RAD50: variants seen among roughly 807,000 people sequenced by gnomAD.
RAD50 encodes DNA repair protein RAD50.
In RAD50, 132 loss-of-function variants were observed where a neutral mutation model predicts 168.8. The ratio of observed to expected loss-of-function variants is 0.78; its 90% confidence interval spans 0.68 to 0.90. The LOEUF (loss-of-function observed/expected upper bound fraction) is 0.90, where lower values mean the gene tolerates loss of function less well. RAD50 is among the 40% of genes least tolerant of loss of function. RAD50 has a pLI of 0.00. For missense variants in RAD50, 1,347 were observed against 1,534.4 expected (o/e 0.88, Z 2.04); for synonymous variants, 525 against 497.4 (o/e 1.06, Z -0.74).
chr5:132,588,595 C>A (rs2149840900), intron 7 of RAD50, 92 bp from the exon 8 acceptor site: 2 of 1,284,170 alleles, frequency 1.6e-6, no homozygotes, highest in Non-Finnish European at 2.2e-6. Context: ...AAGAGACACA[C>A]TGCATTATTT....
Position 132,603,582 on chromosome 5 carries a change from G to A in RAD50, c.2397+93G>A. On this transcript the variant is annotated intron_variant, in intron 14 of 24. Transcript: ENST00000378823. ...GTTAAAAATAGTAGCTAGTATTCAG[G>A]TACAGGTTGTGTTTAGAATTCCCCA... is the stretch of plus-strand genomic sequence containing the variant. The A allele has an allele frequency of 4.5e-6, 6 of 1,346,310 alleles. No homozygotes were observed. In the Middle Eastern group the frequency reaches 5.5e-4, roughly 124 times the overall value. The allele number at this position is 1,346,310 out of a possible 1,614,324, so 83.4% of individuals were successfully genotyped here.
chr5:132,558,220 T>C (rs554455700), intron 1 of RAD50, among the ~76,000 whole-genome samples: 4 of 152,174 alleles, frequency 2.6e-5, no homozygotes, highest in Admixed American at 6.5e-5. Flanking sequence ...TTTGTAAAAA[T>C]GTTATTTGTT....
chr5:132,574,439 C>T (rs1208510180), intron 2 of RAD50, among the ~76,000 whole-genome samples: 6 of 152,192 alleles, frequency 3.9e-5, no homozygotes, highest in Admixed American at 6.5e-5. Flanking sequence ...GGACCCTGGG[C>T]CTGGCCCACG....
chr5:132,571,777 T>C (rs919547542), intron 2 of RAD50, among the ~76,000 whole-genome samples: 1 of 152,192 alleles, frequency 6.6e-6, no homozygotes. Context: ...ATGGAAATGA[T>C]GTCCTGTCTG....
intron 21 of RAD50, among the ~76,000 whole-genome samples, chr5:132,629,207 A>G (rs1356974257): frequency 6.6e-6 from 1 of 152,220 alleles, no homozygotes; most frequent in African/African-American, 2.4e-5. Context: ...AAAGAATTCA[A>G]CAACCCTTGC....
At chr5:132,629,641 C>A (rs1751429274) in intron 21 of RAD50, among the ~76,000 whole-genome samples, 1 of 152,138 alleles carries the variant, frequency 6.6e-6, no homozygotes, top group Non-Finnish European at 1.5e-5. Flanking sequence ...ATACGGTGAG[C>A]CCTAAATTTG....
intron 21 of RAD50, among the ~76,000 whole-genome samples, 166 bp from the exon 22 acceptor site, chr5:132,636,949 G>C (rs888587814): frequency 5.9e-5 from 9 of 151,814 alleles, no homozygotes; most frequent in Admixed American, 3.3e-4. Flanking sequence ...TTTTGCTGCT[G>C]TTTATTTTTG....
intron 3 of RAD50, among the ~76,000 whole-genome samples, chr5:132,576,626 C>T (rs770809329): frequency 2.2e-4 from 33 of 152,216 alleles, no homozygotes; most frequent in Non-Finnish European, 4.6e-4. Flanking sequence ...TTTTAACACA[C>T]TCAAGTATCT....
rs1274079367 is a variant in RAD50, at chr5:132,557,082, C to G, written c.-243C>G. 6 of 668,730 alleles carry G rather than the reference C, an allele frequency of 9.0e-6. No individual in the cohort carries two copies. Among genetic ancestry groups the G allele is most frequent in the African/African-American group, 5.4e-5 (3 of 55,384 alleles). The allele number at this position is 668,730 out of a possible 1,614,324, so 41.4% of individuals were successfully genotyped here. ...CCGGCGGGCAGCCCCAGGCTGGTCC[C>G]CGCCTCCGCTCTCCCCACCGGCGGG... On this transcript the variant is annotated 5_prime_UTR_variant, in exon 1 of 25. Coordinates refer to ENST00000378823, the MANE Select transcript of RAD50 (RefSeq NM_005732.4).
intron 22 of RAD50, 100 bp downstream of exon 22, chr5:132,637,300 C>A: frequency 6.6e-7 from 1 of 1,504,608 alleles, no homozygotes; most frequent in South Asian, 1.2e-5. Context: ...CCCTGGACCC[C>A]TTTCTAAGCA....
In RAD50 at chr5:132,618,087, A is replaced by T. The variant is rs876659658; in HGVS notation, c.3182A>T (p.Glu1061Val). The change falls in exon 21 of 25, where the codon GAA becomes GTA. Residue 1061 changes from glutamate (E) to valine (V), a missense_variant. Glu to Val is a moderately radical substitution (Grantham distance 121). Coordinates refer to ENST00000378823, the MANE Select transcript of RAD50 (RefSeq NM_005732.4). ...TTTTACAGTGAACATCAGAAGTTGG[A>T]AGAGAACATAGACAATATAAAAAGA... ...LQMKSEHQKL[E>V]ENIDNIKRNH... 6.2e-7 allele frequency: 1 copy of T among 1,613,414 alleles called. No homozygotes were observed. The highest frequency in any genetic ancestry group is 8.5e-7 in the Non-Finnish European group (1 of 1,179,584).
chr5:132,609,244 AT>A, intron 18 of RAD50, 35 bp downstream of exon 18: 1 of 1,607,130 alleles, frequency 6.2e-7, no homozygotes, highest in Non-Finnish European at 8.5e-7. Flanking sequence ...ATTTGATTGT[AT>A]TTTTATTCAT....
intron 6 of RAD50, 54 bp from the exon 7 acceptor site, chr5:132,587,870 G>A (rs1750622360): frequency 6.3e-7 from 1 of 1,578,324 alleles, no homozygotes. Context: ...ACCTCAAAGT[G>A]ATCATATTTT....
intron 8 of RAD50, 124 bp downstream of exon 8, chr5:132,589,004 C>A: frequency 9.5e-7 from 1 of 1,049,326 alleles, no homozygotes; most frequent in Non-Finnish European, 1.4e-6. Context: ...ATAAAATCTG[C>A]TACAAGGCAG....
In RAD50 at chr5:132,575,175, T is replaced by C. The variant is rs115229352; in HGVS notation, c.214-602T>C. ...ACTGGACAATTTACAAAAGAAAGGG[T>C]TTAATGGACTACAGTTCCACCTGGC... On this transcript the variant is annotated intron_variant, in intron 2 of 24. Transcript: ENST00000378823. Among the ~76,000 whole-genome samples, 1,136 of 151,982 alleles carry C rather than the reference T, an allele frequency of 7.5e-3. 12 individuals carry two copies. Among genetic ancestry groups the C allele is most frequent in the African/African-American group, 0.026 (1,087 of 41,402 alleles).
chr5:132,601,632 C>T (rs1380664678), intron 13 of RAD50, among the ~76,000 whole-genome samples: 1 of 152,124 alleles, frequency 6.6e-6, no homozygotes, highest in Non-Finnish European at 1.5e-5. Context: ...CAAATACCTC[C>T]TATTTCTGTG....
At chr5:132,574,853 C>T (rs1750365890) in intron 2 of RAD50, among the ~76,000 whole-genome samples, 1 of 152,174 alleles carries the variant, frequency 6.6e-6, no homozygotes, top group Non-Finnish European at 1.5e-5. Flanking sequence ...CAAAAGTCAC[C>T]TTTGCCCCAG....
chr5:132,601,690 G>A (rs1010841290), intron 13 of RAD50, among the ~76,000 whole-genome samples: 4 of 151,994 alleles, frequency 2.6e-5, no homozygotes, highest in Non-Finnish European at 4.4e-5. Flanking sequence ...TGTTTATTGC[G>A]GCACTGTTCA....
At chr5:132,623,089 T>C (rs1333721672) in intron 21 of RAD50, among the ~76,000 whole-genome samples, 1 of 152,172 alleles carries the variant, frequency 6.6e-6, no homozygotes, top group Non-Finnish European at 1.5e-5. Context: ...TTTTGTGTGT[T>C]GGGAGTCACT....
Sources: allele counts gnomAD v4.1 joint callset (sites outside exome capture counted in the v4.1 genomes callset), GRCh38; gene constraint gnomAD v4.1.1; transcripts MANE v1.5; gene names NCBI Gene and HGNC (gene_info 2026-07-23, HGNC 2026-07-21).